Variants in FLNB observed in about 807,000 individuals in gnomAD.
The protein encoded by FLNB is filamin B.
A neutral mutation model predicts 250.6 loss-of-function variants in FLNB; 111 were observed. The observed-to-expected ratio is 0.44, with a 90% confidence interval of 0.38 to 0.52. The LOEUF (loss-of-function observed/expected upper bound fraction) is 0.52. Among genes scored for constraint, FLNB ranks in the 20% least tolerant of loss-of-function variants. The pLI, the probability that FLNB is intolerant of heterozygous loss-of-function variation, is 0.00. For synonymous variants in FLNB, 1,302 were observed against 1,372.1 expected (o/e 0.95, Z 1.13); for missense variants, 2,869 against 3,447.8 (o/e 0.83, Z 4.20).
chr3:58,063,807 C>T (rs925293417), intron 1 of FLNB, among the ~76,000 whole-genome samples: 2 of 152,116 alleles, frequency 1.3e-5, no homozygotes, highest in African/African-American at 2.4e-5. Flanking sequence ...ACCAAGGAAG[C>T]CACCTTGATC....
At chr3:58,139,964 T>A (rs1446354951) in intron 29 of FLNB, among the ~76,000 whole-genome samples, 1 of 152,202 alleles carries the variant, frequency 6.6e-6, no homozygotes, top group Non-Finnish European at 1.5e-5. Context: ...CAGTAATAAG[T>A]GTCTTCTAGC....
At chr3:58,068,939 C>T (rs756832906) in intron 1 of FLNB, among the ~76,000 whole-genome samples, 31 of 151,938 alleles carry the variant, frequency 2.0e-4, no homozygotes, top group Non-Finnish European at 4.4e-4. Context: ...AAGGAGGGGC[C>T]AGTTTGTGAC....
chr3:58,131,111 C>G (rs1461205592), intron 25 of FLNB, among the ~76,000 whole-genome samples: 1 of 152,196 alleles, frequency 6.6e-6, no homozygotes, highest in African/African-American at 2.4e-5. Context: ...ATCTGTCCCC[C>G]CATTTAATAA....
Position 58,134,713 on chromosome 3 carries a change from G to C in FLNB, c.4612G>C (p.Val1538Leu), listed in dbSNP as rs772744361. 2 of 1,614,060 alleles carry C rather than the reference G, an allele frequency of 1.2e-6. No individual in the cohort carries two copies. Among genetic ancestry groups the C allele is most frequent in the East Asian group, 2.2e-5 (1 of 44,898 alleles). Residue 1538 changes from valine to leucine, a missense_variant, in exon 27 of 46, where the codon GTG becomes CTG. Physicochemically the swap from Val to Leu is conservative, Grantham distance 32. Around this residue, in one of 5 missense-constraint regions of FLNB, gnomAD observed 126 missense variants for 182.0 expected, o/e 0.69. Transcript: ENST00000295956. ...SSYGVPASLPVDFAIDARDAG... is the reference protein window; with the variant it reads ...SSYGVPASLPLDFAIDARDAG... ...CTATGGTGTGCCTGCCAGTCTACCT[G>C]TGGACTTTGCAATTGATGCCCGAGA...
chr3:58,008,640 T>A lies in FLNB; in HGVS notation c.76T>A (p.Cys26Ser). The change falls in exon 1 of 46, where the codon TGC becomes AGC. Residue 26 changes from cysteine to serine, a missense_variant. Physicochemically the swap from Cys to Ser is moderately radical, Grantham distance 112 (BLOSUM62 -1). Transcript: ENST00000295956. ...CCAGCAGAACACGTTCACACGCTGG[T>A]GCAACGAGCACCTCAAGTGCGTGAA... is the stretch of plus-strand genomic sequence containing the variant. ...KIQQNTFTRW[C>S]NEHLKCVNKR... 6.2e-7 allele frequency: 1 copy of A among 1,613,964 alleles called. No homozygotes were observed. The highest frequency in any genetic ancestry group is 1.3e-5 in the African/African-American group (1 of 75,006).
chr3:58,104,973 A>G (rs1303747002), intron 10 of FLNB, 107 bp from the exon 11 acceptor site: 19 of 1,461,608 alleles, frequency 1.3e-5, no homozygotes, highest in Admixed American at 1.7e-5. Flanking sequence ...ATGCCAGATG[A>G]AAGGATCAGG....
chr3:58,070,898 C>T (rs577660891), intron 1 of FLNB, among the ~76,000 whole-genome samples: 136 of 151,472 alleles, frequency 9.0e-4, no homozygotes, highest in African/African-American at 2.8e-3. Context: ...GATCTGCCCT[C>T]CTTGGCCTCC....
At position 58,149,953 on chromosome 3, in the gene FLNB, G is replaced by C; in HGVS notation, c.6195G>C (p.Val2065=). The change falls in exon 37 of 46, where the codon GTG becomes GTC. Residue 2065 remains valine, a synonymous_variant. Transcript: ENST00000295956. Reference sequence around the variant, plus strand: ...GCAAAGTCTCCTACTTCCCTACCGTGCCTGGGGTTTATATCGTCTCCACCA... The same window carrying C: ...GCAAAGTCTCCTACTTCCCTACCGTCCCTGGGGTTTATATCGTCTCCACCA... The part of the protein sequence containing the change: ...GTCKVSYFPT[V]PGVYIVSTKF... 1 of 1,614,226 alleles carries C rather than the reference G, an allele frequency of 6.2e-7. No homozygotes were observed. The highest frequency in any genetic ancestry group is 8.5e-7 in the Non-Finnish European group (1 of 1,180,042).
At chr3:58,037,301 G>C in intron 1 of FLNB, among the ~76,000 whole-genome samples, 1 of 152,120 alleles carries the variant, frequency 6.6e-6, no homozygotes, top group East Asian at 1.9e-4. Context: ...CTGACCTCAG[G>C]CCATCCGCTC....
intron 1 of FLNB, among the ~76,000 whole-genome samples, chr3:58,014,391 A>T (rs1180719383): frequency 6.6e-6 from 1 of 152,216 alleles, no homozygotes; most frequent in Non-Finnish European, 1.5e-5. Flanking sequence ...GCGTCTGGTC[A>T]TTCCAGCCTC....
At chr3:58,153,932 G>A (rs2097349301) in intron 39 of FLNB, among the ~76,000 whole-genome samples, 1 of 152,108 alleles carries the variant, frequency 6.6e-6, no homozygotes, top group African/African-American at 2.4e-5. Flanking sequence ...GGTTTCCAGA[G>A]CATCTTTCAG....
chr3:58,100,589 C>CTTTTTTTTTTTTTT (rs147921421), intron 8 of FLNB, among the ~76,000 whole-genome samples: 16 of 124,966 alleles, frequency 1.3e-4, no homozygotes, highest in East Asian at 5.0e-4. Context: ...TTTTCTTTTT[C>CTTTTTTTTTTTTTT]TTTTTTTTTT....
At chr3:58,041,071 G>A (rs533324388) in intron 1 of FLNB, among the ~76,000 whole-genome samples, 33 of 152,186 alleles carry the variant, frequency 2.2e-4, no homozygotes, top group African/African-American at 6.5e-4. Flanking sequence ...TGTTAATCCC[G>A]TTTTGCAGCT....
intron 15 of FLNB, among the ~76,000 whole-genome samples, 153 bp downstream of exon 15, chr3:58,109,852 G>A (rs1576734613): frequency 6.6e-6 from 1 of 152,258 alleles, no homozygotes; most frequent in South Asian, 2.1e-4. Flanking sequence ...TGATATCTTT[G>A]CTAATCCATC....
intron 4 of FLNB, among the ~76,000 whole-genome samples, chr3:58,092,561 G>A (rs2097229775): frequency 1.3e-5 from 2 of 152,276 alleles, no homozygotes; most frequent in Admixed American, 1.3e-4. Context: ...CAGGAGGATT[G>A]CCTGAGCCTG....
intron 1 of FLNB, among the ~76,000 whole-genome samples, chr3:58,076,803 T>G (rs1266966631): frequency 6.6e-6 from 1 of 152,182 alleles, no homozygotes; most frequent in Non-Finnish European, 1.5e-5. Context: ...GTAGAGACAG[T>G]GGTGTCTTAC....
intron 28 of FLNB, among the ~76,000 whole-genome samples, chr3:58,137,777 G>A (rs899498122): frequency 5.9e-5 from 9 of 152,148 alleles, no homozygotes; most frequent in Non-Finnish European, 1.2e-4. Context: ...CGGCAACCCT[G>A]GGATATAAAT....
chr3:58,049,277 G>T (rs1192056734), intron 1 of FLNB, among the ~76,000 whole-genome samples: 2 of 152,212 alleles, frequency 1.3e-5, no homozygotes. Flanking sequence ...CACCATTTGT[G>T]TTTGCTGCCT....
chr3:58,122,541 T>C (rs1264471175), intron 20 of FLNB, among the ~76,000 whole-genome samples: 1 of 152,120 alleles, frequency 6.6e-6, no homozygotes, highest in Non-Finnish European at 1.5e-5. Context: ...ATAGTAACCC[T>C]GACTCAAGGG....
Sources: gnomAD v4.1 joint callset for allele counts (sites outside exome capture counted in the v4.1 genomes callset) on GRCh38, gnomAD v4.1.1 for gene constraint, gnomAD v4.1.1 regional missense constraint, MANE v1.5 for transcripts, NCBI Gene and HGNC (gene_info 2026-07-23, HGNC 2026-07-21) for gene names.